The following GPC6 variants were observed in gnomAD, a reference collection of about 807,000 sequenced individuals.
The protein encoded by GPC6 is glypican 6.
A neutral mutation model predicts 55.2 loss-of-function variants in GPC6; 14 were observed. That is an observed-to-expected ratio of 0.25 (90% CI 0.17 to 0.40). GPC6 has a LOEUF of 0.40. GPC6 is among the 10% of genes least tolerant of loss of function. The pLI, the probability that GPC6 is intolerant of heterozygous loss-of-function variation, is 1.00. For synonymous variants in GPC6, 278 were observed against 259.6 expected, an observed-to-expected ratio of 1.07 and a Z score of -0.68; for missense variants, 641 against 708.5, an observed-to-expected ratio of 0.90 and a Z score of 1.08.
intron 2 of GPC6, among the ~76,000 whole-genome samples, chr13:93,778,771 A>G (rs1885546040): frequency 6.6e-6 from 1 of 152,146 alleles, no homozygotes; most frequent in Non-Finnish European, 1.5e-5. Context: ...CTTATTTGGC[A>G]GTAGTTGAGC....
chr13:93,490,696 A>T (rs1879960414), intron 1 of GPC6, among the ~76,000 whole-genome samples: 1 of 95,994 alleles, frequency 1.0e-5, no homozygotes, highest in Non-Finnish European at 1.9e-5. Flanking sequence ...CAGTCCCCAG[A>T]GTGTGATATT....
intron 2 of GPC6, among the ~76,000 whole-genome samples, chr13:93,650,589 C>A (rs1260810395): frequency 6.6e-6 from 1 of 152,104 alleles, no homozygotes; most frequent in African/African-American, 2.4e-5. Flanking sequence ...ATGTTAACAG[C>A]CATAAACATA....
chr13:94,213,344 A>G (rs1890138633), intron 4 of GPC6, among the ~76,000 whole-genome samples: 3 of 152,232 alleles, frequency 2.0e-5, no homozygotes, highest in Admixed American at 2.0e-4. Flanking sequence ...TCAATTGGGC[A>G]GTTTAAACAG....
At chr13:94,388,153 G>A (rs539892808) in intron 7 of GPC6, among the ~76,000 whole-genome samples, 2 of 152,230 alleles carry the variant, frequency 1.3e-5, no homozygotes, top group East Asian at 3.9e-4. Flanking sequence ...ACATTTAATT[G>A]GCAACCATGT....
chr13:93,305,396 C>A (rs972509515), intron 1 of GPC6, among the ~76,000 whole-genome samples: 1 of 152,070 alleles, frequency 6.6e-6, no homozygotes, highest in African/African-American at 2.4e-5. Flanking sequence ...GTACTGGGAC[C>A]ACAAGCAGTA....
intron 4 of GPC6, among the ~76,000 whole-genome samples, chr13:94,221,713 TCA>T (rs1890389840): frequency 6.6e-6 from 1 of 152,146 alleles, no homozygotes; most frequent in South Asian, 2.1e-4. Flanking sequence ...TGTTAAATTC[TCA>T]GTTTATCTTT....
At chr13:93,458,796 T>C (rs2139311942) in intron 1 of GPC6, among the ~76,000 whole-genome samples, 1 of 152,328 alleles carries the variant, frequency 6.6e-6, no homozygotes, top group East Asian at 1.9e-4. Context: ...TATCTTATTT[T>C]CTGAAAACAA....
intron 1 of GPC6, among the ~76,000 whole-genome samples, chr13:93,265,757 C>G (rs1877300013): frequency 6.6e-6 from 1 of 152,030 alleles, no homozygotes; most frequent in Non-Finnish European, 1.5e-5. Flanking sequence ...CAAGAGCCAA[C>G]TGTTACATTT....
chr13:93,837,798 T>C (rs1260015237), intron 3 of GPC6, among the ~76,000 whole-genome samples: 3 of 152,122 alleles, frequency 2.0e-5, no homozygotes, highest in African/African-American at 4.8e-5. Context: ...CCTTGAACCA[T>C]GTGTTAAAGG....
chr13:93,834,679 C>A (rs1009081921), intron 3 of GPC6, among the ~76,000 whole-genome samples: 1 of 151,854 alleles, frequency 6.6e-6, no homozygotes, highest in Admixed American at 6.6e-5. Context: ...AAGATTTTAC[C>A]ATTTTCCATC....
intron 3 of GPC6, among the ~76,000 whole-genome samples, chr13:93,957,416 G>A (rs1406633392): frequency 1.3e-5 from 2 of 151,962 alleles, no homozygotes; most frequent in Non-Finnish European, 1.5e-5. Flanking sequence ...CATTGTTCCC[G>A]TAATTATGTC....
At chr13:93,758,535 A>G (rs1884853671) in intron 2 of GPC6, among the ~76,000 whole-genome samples, 1 of 152,134 alleles carries the variant, frequency 6.6e-6, no homozygotes, top group African/African-American at 2.4e-5. Flanking sequence ...GTGTTTTGAT[A>G]ATAATCTCTG....
At chr13:94,078,818 A>G (rs1885007712) in intron 4 of GPC6, among the ~76,000 whole-genome samples, 1 of 151,988 alleles carries the variant, frequency 6.6e-6, no homozygotes, top group African/African-American at 2.4e-5. Flanking sequence ...CTAAACATTT[A>G]AGGAAGAATT....
intron 1 of GPC6, among the ~76,000 whole-genome samples, chr13:93,524,625 C>T (rs1881577497): frequency 6.6e-6 from 1 of 151,990 alleles, no homozygotes; most frequent in Non-Finnish European, 1.5e-5. Flanking sequence ...AAATATAATT[C>T]TTAGTTTTTG....
intron 2 of GPC6, among the ~76,000 whole-genome samples, chr13:93,713,015 C>G (rs1312601398): frequency 6.6e-6 from 1 of 151,208 alleles, no homozygotes; most frequent in Non-Finnish European, 1.5e-5. Flanking sequence ...AAAGAATTGG[C>G]AATAAATATA....
rs756054831 is a variant in GPC6 at position 94,398,623 on chromosome 13, G to A, written c.1447G>A (p.Val483Ile). 8 of 1,613,946 alleles carry A rather than the reference G, an allele frequency of 5.0e-6. No individual in the cohort carries two copies. In the Admixed American group the frequency reaches 8.3e-5, roughly 17 times the overall value. Residue 483 changes from valine to isoleucine, a missense_variant, in exon 8 of 9, where the codon GTC becomes ATC. By Grantham distance (29) the Val-to-Ile change is conservative (BLOSUM62 3). Coordinates refer to ENST00000377047, the MANE Select transcript of GPC6 (RefSeq NM_005708.5). ...KLKNAYNGND[V>I]NFQDTSDESS... The stretch of plus-strand genomic sequence containing the variant: ...AAAAAACGCCTACAATGGCAATGAT[G>A]TCAATTTCCAGGACACAAGTAAGAA...
chr13:93,681,781 C>T (rs368228606), intron 2 of GPC6, among the ~76,000 whole-genome samples: 13 of 152,194 alleles, frequency 8.5e-5, no homozygotes, highest in Non-Finnish European at 1.8e-4. Context: ...TAAATTTTCT[C>T]GAACTTTAAC....
intron 3 of GPC6, among the ~76,000 whole-genome samples, chr13:93,837,796 C>T (rs1005240913): frequency 6.6e-6 from 1 of 152,106 alleles, no homozygotes; most frequent in African/African-American, 2.4e-5. Flanking sequence ...TTCCTTGAAC[C>T]ATGTGTTAAA....
intron 1 of GPC6, among the ~76,000 whole-genome samples, chr13:93,454,698 C>T (rs1435153039): frequency 4.6e-5 from 7 of 152,256 alleles, no homozygotes; most frequent in African/African-American, 1.7e-4. Flanking sequence ...AAGGCCCCAC[C>T]AGACTCAGGA....
Sources: gnomAD v4.1 joint callset for allele counts (sites outside exome capture counted in the v4.1 genomes callset) on GRCh38, gnomAD v4.1.1 for gene constraint, MANE v1.5 for transcripts, NCBI Gene and HGNC (gene_info 2026-07-23, HGNC 2026-07-21) for gene names.